KIAA1217: variants seen among roughly 807,000 people sequenced by gnomAD.
The protein encoded by KIAA1217 is sickle tail protein homolog.
In KIAA1217, 88 loss-of-function variants were observed where a neutral mutation model predicts 163.9. The observed-to-expected ratio is 0.54, with a 90% CI of 0.45 to 0.64. The LOEUF is 0.64. Ranked by LOEUF, KIAA1217 falls within the 30% of genes least tolerant of loss-of-function variation. KIAA1217 has a pLI of 0.00. For synonymous variants in KIAA1217, 903 were observed against 923.1 expected (o/e 0.98, Z 0.39); for missense variants, 2,372 against 2,475.0 (o/e 0.96, Z 0.88).
intron 2 of KIAA1217, among the ~76,000 whole-genome samples, chr10:24,164,771 A>G (rs1589738376): frequency 2.0e-5 from 3 of 152,310 alleles, no homozygotes. Flanking sequence ...CACCCCCCTC[A>G]GGGATTCTAG....
intron 1 of KIAA1217, among the ~76,000 whole-genome samples, chr10:23,854,920 G>C (rs1371056066): frequency 6.6e-6 from 1 of 152,180 alleles, no homozygotes; most frequent in Non-Finnish European, 1.5e-5. Flanking sequence ...CTGCACATGA[G>C]ATAGGTTTCC....
At chr10:23,842,899 A>G (rs1407926641) in intron 1 of KIAA1217, among the ~76,000 whole-genome samples, 1 of 152,154 alleles carries the variant, frequency 6.6e-6, no homozygotes, top group African/African-American at 2.4e-5. Context: ...TATGAAAGGA[A>G]TTAAGTTGTA....
intron 1 of KIAA1217, among the ~76,000 whole-genome samples, chr10:23,762,604 GA>G (rs1419598977): frequency 3.3e-5 from 5 of 152,162 alleles, no homozygotes; most frequent in African/African-American, 9.7e-5. Context: ...AATAGGTATA[GA>G]TGGAATATAT....
chr10:24,401,182 C>A (rs913892915), intron 3 of KIAA1217, among the ~76,000 whole-genome samples: 2 of 137,322 alleles, frequency 1.5e-5, no homozygotes, highest in Non-Finnish European at 2.9e-5. Context: ...TTACCATCAA[C>A]CAATATATAT....
chr10:23,993,029 C>CT (rs1188657000), intron 1 of KIAA1217, among the ~76,000 whole-genome samples: 3,572 of 118,594 alleles, frequency 0.03, 299 homozygotes, highest in African/African-American at 0.091. Flanking sequence ...TGATAGCTTC[C>CT]TTTTTTTTTT....
At chr10:24,434,245 G>T (rs764657041) in intron 4 of KIAA1217, among the ~76,000 whole-genome samples, 6 of 151,898 alleles carry the variant, frequency 4.0e-5, no homozygotes, top group African/African-American at 1.5e-4. Flanking sequence ...TACCACGTGG[G>T]TCAGGCTGGT....
intron 1 of KIAA1217, among the ~76,000 whole-genome samples, chr10:23,841,715 T>C (rs1303467743): frequency 1.1e-4 from 16 of 152,120 alleles, no homozygotes; most frequent in Admixed American, 1.0e-3. Context: ...CTTAAATTGA[T>C]TTAAACTTAA....
At position 24,546,217 on chromosome 10, in the gene KIAA1217, G is replaced by C; in HGVS notation, c.5725G>C (p.Gly1909Arg). The C allele has an allele frequency of 6.2e-7, 1 of 1,614,102 alleles. No homozygotes were observed. Among genetic ancestry groups the C allele is most frequent in the Non-Finnish European group, 8.5e-7 (1 of 1,180,040 alleles). Residue 1909 changes from glycine (G) to arginine (R), a missense_variant, in exon 21 of 21, where the codon GGT becomes CGT. Gly to Arg is a moderately radical substitution (Grantham distance 125). Transcript: ENST00000376454. Reference protein sequence around the residue: ...SPASSVSLNQGAKGTRTIHTP... With the variant: ...SPASSVSLNQRAKGTRTIHTP... ...TGCCTCCTCCGTCTCACTGAATCAA[G>C]GTGCCAAGGGCACCAGGACCATCCA...
chr10:24,266,087 T>C (rs1399719985), intron 2 of KIAA1217, among the ~76,000 whole-genome samples: 1 of 151,928 alleles, frequency 6.6e-6, no homozygotes, highest in African/African-American at 2.4e-5. Flanking sequence ...GATCTTTTTT[T>C]TTTTTTTTTG....
chr10:24,473,968 A>C lies in KIAA1217; in HGVS notation c.1587A>C (p.Gly529=). 6.2e-7 allele frequency: 1 copy of C among 1,614,168 alleles called. No individual in the cohort carries two copies. The highest frequency in any genetic ancestry group is 8.5e-7 in the Non-Finnish European group (1 of 1,180,032). ...VYIEKPRSAA[G]LSSLVDLGPP... is the part of the protein sequence containing the mutation. ...TAGAAAAGCCACGGAGCGCTGCAGG[A>C]TTATCCAGCCTTGTAGACCTCGGCC... The change falls in exon 6 of 21, where the codon GGA becomes GGC. Residue 529 remains glycine (G), a synonymous_variant. Coordinates refer to ENST00000376454, the MANE Select transcript of KIAA1217 (RefSeq NM_019590.5).
chr10:24,227,621 C>G (rs1039500726), intron 2 of KIAA1217, among the ~76,000 whole-genome samples: 4 of 151,820 alleles, frequency 2.6e-5, no homozygotes, highest in Admixed American at 1.3e-4. Context: ...CAAGCTCTGC[C>G]TCCTGGGTTC....
intron 2 of KIAA1217, among the ~76,000 whole-genome samples, chr10:24,068,960 C>A (rs2061078360): frequency 6.6e-6 from 1 of 152,214 alleles, no homozygotes; most frequent in Non-Finnish European, 1.5e-5. Flanking sequence ...TAGGTCCCAT[C>A]AGCATTCTGA....
At chr10:24,071,328 C>T (rs967931536) in intron 2 of KIAA1217, among the ~76,000 whole-genome samples, 2 of 152,084 alleles carry the variant, frequency 1.3e-5, no homozygotes, top group Non-Finnish European at 2.9e-5. Context: ...CTTAGTGGGT[C>T]ATTTATATAT....
intron 3 of KIAA1217, among the ~76,000 whole-genome samples, chr10:24,409,131 A>T (rs1300497356): frequency 6.6e-6 from 1 of 152,036 alleles, no homozygotes; most frequent in East Asian, 1.9e-4. Flanking sequence ...AGGGGGACAG[A>T]TTTTTTTTCT....
At chr10:24,194,893 C>T (rs2066912498) in intron 2 of KIAA1217, among the ~76,000 whole-genome samples, 2 of 151,604 alleles carry the variant, frequency 1.3e-5, no homozygotes, top group East Asian at 3.9e-4. Context: ...GAGGCATGAG[C>T]CACAGTGTCC....
chr10:23,882,801 T>A, intron 1 of KIAA1217, among the ~76,000 whole-genome samples: 1 of 151,940 alleles, frequency 6.6e-6, no homozygotes, highest in Middle Eastern at 3.2e-3. Context: ...CTTTGTGAGG[T>A]GTCATGGAGA....
chr10:23,745,975 G>A (rs1372692237), intron 1 of KIAA1217, among the ~76,000 whole-genome samples: 2 of 152,112 alleles, frequency 1.3e-5, no homozygotes, highest in Non-Finnish European at 2.9e-5. Flanking sequence ...ACTTTTTGAA[G>A]GACTACACTG....
At chr10:24,087,393 C>T (rs1391039917) in intron 2 of KIAA1217, among the ~76,000 whole-genome samples, 2 of 152,060 alleles carry the variant, frequency 1.3e-5, no homozygotes, top group South Asian at 2.1e-4. Context: ...ACCATATGTA[C>T]GGTGTCATTG....
rs553814302 is a variant in KIAA1217, at chr10:24,302,892, A to T, written c.355-77977A>T. ...CCAAGGCCTTAGGTGGGGTGGCAGGATGGCTACATGGGACTGAGGGACCAT... is the reference window on the plus strand; with the variant it reads ...CCAAGGCCTTAGGTGGGGTGGCAGGTTGGCTACATGGGACTGAGGGACCAT... On this transcript the variant is annotated intron_variant, in intron 2 of 20. Coordinates refer to ENST00000376454, the MANE Select transcript of KIAA1217 (RefSeq NM_019590.5). Among the ~76,000 whole-genome samples, 5 of 152,252 alleles carry T rather than the reference A, an allele frequency of 3.3e-5. No individual in the cohort carries two copies. The South Asian group carries it at 1.0e-3, about 32-fold the overall frequency.
Sources: allele counts gnomAD v4.1 joint callset (sites outside exome capture counted in the v4.1 genomes callset), GRCh38; gene constraint gnomAD v4.1.1; transcripts MANE v1.5; gene names NCBI Gene and HGNC (gene_info 2026-07-23, HGNC 2026-07-21).